MAP4K4: variants seen among roughly 807,000 people sequenced by gnomAD.
The protein encoded by MAP4K4 is mitogen-activated protein kinase kinase kinase kinase 4.
A neutral mutation model predicts 189.6 loss-of-function variants in MAP4K4; 38 were observed. The observed-to-expected ratio is 0.20, with a 90% CI of 0.15 to 0.26. The LOEUF (loss-of-function observed/expected upper bound fraction) is 0.26, where lower values mean the gene tolerates loss of function less well. MAP4K4 is among the 10% of genes least tolerant of loss of function. The probability of loss-of-function intolerance (pLI) is 1.00; values close to 1 mark genes in which losing one functional copy is unlikely to be tolerated. For synonymous variants in MAP4K4, 610 were observed against 624.3 expected, an observed-to-expected ratio of 0.98 and a Z score of 0.34; for missense variants, 1,054 against 1,726.9, an observed-to-expected ratio of 0.61 and a Z score of 6.91.
chr2:101,836,048 C>T (rs2149480758), intron 9 of MAP4K4, 70 bp downstream of exon 9: 2 of 1,184,816 alleles, frequency 1.7e-6, no homozygotes, highest in Non-Finnish European at 2.5e-6. Context: ...GTTATACTTT[C>T]CTCTGAGATA....
chr2:101,871,735 G>C, intron 24 of MAP4K4, 50 bp downstream of exon 24: 1 of 1,485,910 alleles, frequency 6.7e-7, no homozygotes, highest in South Asian at 1.3e-5. Flanking sequence ...GACCAGCACT[G>C]CCTAGGAGTT....
At chr2:101,715,404 C>T (rs1165827196) in intron 2 of MAP4K4, among the ~76,000 whole-genome samples, 2 of 152,138 alleles carry the variant, frequency 1.3e-5, no homozygotes, top group African/African-American at 4.8e-5. Flanking sequence ...CAGCCCATAA[C>T]AATACTGTAA....
intron 3 of MAP4K4, among the ~76,000 whole-genome samples, chr2:101,794,403 C>G (rs1430976395): frequency 6.6e-6 from 1 of 152,178 alleles, no homozygotes; most frequent in East Asian, 1.9e-4. Flanking sequence ...AGGTTTGTCT[C>G]TGAGAACAGA....
chr2:101,723,131 C>CT (rs760607550), intron 2 of MAP4K4, among the ~76,000 whole-genome samples: 1 of 152,206 alleles, frequency 6.6e-6, no homozygotes, highest in African/African-American at 2.4e-5. Context: ...AACTCACTCA[C>CT]TATCACGAGA....
rs201828323 is a variant in MAP4K4, at chr2:101,866,536, C to T, written c.2313C>T (p.His771=). ...ACTCAGGATCCCAGCCCGGGTCTCACCCTGGGTCTCAGAGTGGCTCCGGGG... is the reference window on the plus strand; with the variant it reads ...ACTCAGGATCCCAGCCCGGGTCTCATCCTGGGTCTCAGAGTGGCTCCGGGG... The change falls in exon 19 of 33, where the codon CAC becomes CAT. Residue 771 remains histidine, a synonymous_variant. Transcript: ENST00000324219. 1.5e-4 allele frequency: 241 copies of T among 1,613,570 alleles called. 1 individual carries two copies. Among genetic ancestry groups the T allele is most frequent in the Non-Finnish European group, 2.6e-5 (31 of 1,179,780 alleles).
chr2:101,766,301 G>C (rs756005744), intron 2 of MAP4K4, among the ~76,000 whole-genome samples: 7 of 152,150 alleles, frequency 4.6e-5, no homozygotes, highest in Non-Finnish European at 1.0e-4. Flanking sequence ...TAAGCTGGTG[G>C]TGGTCACCTG....
At chr2:101,798,683 A>G (rs1219277192) in intron 3 of MAP4K4, among the ~76,000 whole-genome samples, 2 of 152,238 alleles carry the variant, frequency 1.3e-5, no homozygotes, top group African/African-American at 4.8e-5. Context: ...ATGCAATGCT[A>G]TATAAGTAGT....
intron 3 of MAP4K4, among the ~76,000 whole-genome samples, chr2:101,800,927 AGTTT>A (rs1375484064): frequency 6.6e-6 from 1 of 152,230 alleles, no homozygotes; most frequent in East Asian, 1.9e-4. Flanking sequence ...ACAGTTTCTT[AGTTT>A]AATTTCATCA....
intron 18 of MAP4K4, 90 bp from the exon 19 acceptor site, chr2:101,866,338 A>AT: frequency 7.8e-7 from 1 of 1,283,360 alleles, no homozygotes; most frequent in Non-Finnish European, 1.1e-6. Flanking sequence ...CTTTAAAGAC[A>AT]TTGGATGGGC....
At chr2:101,752,875 A>T (rs2069907509) in intron 2 of MAP4K4, among the ~76,000 whole-genome samples, 2 of 152,036 alleles carry the variant, frequency 1.3e-5, no homozygotes. Context: ...GGCTCAGGAG[A>T]CCTGTTTCTG....
At chr2:101,830,118 G>A (rs2096550475) in intron 6 of MAP4K4, among the ~76,000 whole-genome samples, 1 of 151,942 alleles carries the variant, frequency 6.6e-6, no homozygotes, top group South Asian at 2.1e-4. Flanking sequence ...CATGTTACGG[G>A]CCTTTTCCAA....
chr2:101,751,625 A>G (rs2149982501), intron 2 of MAP4K4, among the ~76,000 whole-genome samples: 1 of 152,372 alleles, frequency 6.6e-6, no homozygotes, highest in East Asian at 1.9e-4. Context: ...CATGGAGCAG[A>G]GAGAGAAGAC....
chr2:101,835,842 A>G (rs2096734460), intron 8 of MAP4K4, 58 bp from the exon 9 acceptor site: 3 of 1,158,894 alleles, frequency 2.6e-6, no homozygotes, highest in Non-Finnish European at 3.9e-6. Flanking sequence ...ACTGAACCCT[A>G]GAAATCAAGA....
intron 2 of MAP4K4, among the ~76,000 whole-genome samples, chr2:101,783,604 A>T (rs751193262): frequency 3.9e-5 from 6 of 152,176 alleles, no homozygotes; most frequent in Non-Finnish European, 5.9e-5. Context: ...GATTTTTGTT[A>T]CTGAAATTGA....
At chr2:101,725,588 T>C (rs34134177) in intron 2 of MAP4K4, among the ~76,000 whole-genome samples, 42,462 of 152,106 alleles carry the variant, frequency 0.28, 6,753 homozygotes, top group South Asian at 0.49. Context: ...GCCTCTGCCT[T>C]GGCTCTGTGT....
intron 12 of MAP4K4, among the ~76,000 whole-genome samples, chr2:101,848,827 T>C (rs2097190576): frequency 6.6e-6 from 1 of 152,206 alleles, no homozygotes; most frequent in Non-Finnish European, 1.5e-5. Flanking sequence ...TGGATCTTCT[T>C]TGGAAGTCCT....
chr2:101,709,187 T>G (rs989198589), intron 2 of MAP4K4, among the ~76,000 whole-genome samples: 2 of 152,148 alleles, frequency 1.3e-5, no homozygotes, highest in Non-Finnish European at 2.9e-5. Context: ...GTCTTATTAT[T>G]AGTCATTACT....
chr2:101,817,238 A>G (rs2095787235), intron 3 of MAP4K4, among the ~76,000 whole-genome samples: 1 of 152,134 alleles, frequency 6.6e-6, no homozygotes, highest in Non-Finnish European at 1.5e-5. Flanking sequence ...TGTTGATGAC[A>G]TGAAGCTTTG....
intron 10 of MAP4K4, among the ~76,000 whole-genome samples, chr2:101,841,786 C>G (rs953494844): frequency 6.6e-6 from 1 of 152,040 alleles, no homozygotes; most frequent in African/African-American, 2.4e-5. Flanking sequence ...TCTTGTATAT[C>G]TTTGAAAAAA....
Sources: gnomAD v4.1 joint callset for allele counts (sites outside exome capture counted in the v4.1 genomes callset) on GRCh38, gnomAD v4.1.1 for gene constraint, MANE v1.5 for transcripts, NCBI Gene and HGNC (gene_info 2026-07-23, HGNC 2026-07-21) for gene names.